Variants in RPS6KC1 observed in about 807,000 individuals in gnomAD.
RPS6KC1 encodes the protein ribosomal protein S6 kinase C1, also known as inactive ribosomal protein S6 kinase delta-1.
RPS6KC1 carries 54 observed loss-of-function variants against 103.8 expected under a neutral mutation model. That is an observed-to-expected ratio of 0.52 (90% CI 0.42 to 0.65). The LOEUF is 0.65. RPS6KC1 is among the 30% of genes least tolerant of loss of function. The pLI, the probability that RPS6KC1 is intolerant of heterozygous loss-of-function variation, is 0.00. For synonymous variants in RPS6KC1, 439 were observed against 438.7 expected, an observed-to-expected ratio of 1.00 and a Z score of -0.01; for missense variants, 1,151 against 1,253.8, an observed-to-expected ratio of 0.92 and a Z score of 1.24.
chr1:213,201,784 G>A (rs2093171644), intron 8 of RPS6KC1, among the ~76,000 whole-genome samples: 2 of 152,212 alleles, frequency 1.3e-5, no homozygotes, highest in East Asian at 3.8e-4. Flanking sequence ...TACAGTCACT[G>A]CCATGTTTGG....
chr1:213,215,394 A>G (rs2093632601), intron 8 of RPS6KC1, among the ~76,000 whole-genome samples: 1 of 152,254 alleles, frequency 6.6e-6, no homozygotes, highest in South Asian at 2.1e-4. Flanking sequence ...GACCAAATGT[A>G]CGTCTGATTG....
At chr1:213,626,523 T>C in the RPS6KC1 span, among the ~76,000 whole-genome samples, 4 of 152,184 alleles carry the variant, frequency 2.6e-5, no homozygotes, top group Non-Finnish European at 4.4e-5. Context: ...CTGAATGGTA[T>C]TGCCTAGGTT....
At chr1:213,736,830 T>C in the RPS6KC1 span, among the ~76,000 whole-genome samples, 2 of 152,210 alleles carry the variant, frequency 1.3e-5, no homozygotes, top group Admixed American at 1.3e-4. Context: ...TGAGGATAGT[T>C]CGCCACCCTA....
the RPS6KC1 span, among the ~76,000 whole-genome samples, chr1:213,398,041 T>C: frequency 6.6e-6 from 1 of 152,050 alleles, no homozygotes; most frequent in Non-Finnish European, 1.5e-5. Flanking sequence ...CTTTTTTTCT[T>C]TCTTTTTTGA....
the RPS6KC1 span, among the ~76,000 whole-genome samples, chr1:213,772,260 A>G: frequency 6.6e-6 from 1 of 152,134 alleles, no homozygotes; most frequent in African/African-American, 2.4e-5. Flanking sequence ...ATAGTGTCCA[A>G]CATTATCAAA....
the RPS6KC1 span, among the ~76,000 whole-genome samples, chr1:213,791,885 C>T: frequency 6.6e-6 from 1 of 152,148 alleles, no homozygotes; most frequent in East Asian, 1.9e-4. Flanking sequence ...AACTGTCGGC[C>T]AACCCTGACG....
chr1:213,647,322 A>C, the RPS6KC1 span, among the ~76,000 whole-genome samples: 2 of 152,204 alleles, frequency 1.3e-5, no homozygotes, highest in Non-Finnish European at 2.9e-5. Flanking sequence ...GCCAAATACC[A>C]ATAGTGGCTC....
the RPS6KC1 span, among the ~76,000 whole-genome samples, chr1:213,319,956 C>T: frequency 2.6e-5 from 4 of 152,322 alleles, no homozygotes; most frequent in Admixed American, 6.5e-5. Flanking sequence ...TTATATTCCA[C>T]ATAGAGTCGA....
chr1:213,492,619 T>C, the RPS6KC1 span: 2 of 152,252 alleles, frequency 1.3e-5, no homozygotes, highest in Non-Finnish European at 2.9e-5. Flanking sequence ...AGCAGCTGAA[T>C]AGCACTTGTG....
At chr1:213,426,326 T>C in the RPS6KC1 span, among the ~76,000 whole-genome samples, 2 of 152,116 alleles carry the variant, frequency 1.3e-5, no homozygotes, top group Non-Finnish European at 2.9e-5. Context: ...AAGGCCTTCT[T>C]TTCTCCTCCT....
the RPS6KC1 span, among the ~76,000 whole-genome samples, chr1:213,557,468 A>T: frequency 6.6e-6 from 1 of 152,138 alleles, no homozygotes; most frequent in Non-Finnish European, 1.5e-5. Context: ...CATGCTGGAG[A>T]GGGAAGAAGA....
At chr1:213,495,414 C>T in the RPS6KC1 span, among the ~76,000 whole-genome samples, 8 of 152,030 alleles carry the variant, frequency 5.3e-5, no homozygotes, top group African/African-American at 1.4e-4. Flanking sequence ...CTCTGCCTCC[C>T]GGGTTCAAGC....
At chr1:213,514,582 G>A in the RPS6KC1 span, among the ~76,000 whole-genome samples, 2 of 151,994 alleles carry the variant, frequency 1.3e-5, no homozygotes, top group Non-Finnish European at 2.9e-5. Flanking sequence ...TGGCTGCATA[G>A]TATTCCATGG....
the RPS6KC1 span, among the ~76,000 whole-genome samples, chr1:213,447,545 A>G: frequency 6.6e-6 from 1 of 152,240 alleles, no homozygotes; most frequent in Non-Finnish European, 1.5e-5. Flanking sequence ...TACTCATGGC[A>G]TATCACCATT....
At chr1:213,443,448 C>G in the RPS6KC1 span, among the ~76,000 whole-genome samples, 1 of 152,180 alleles carries the variant, frequency 6.6e-6, no homozygotes, top group Non-Finnish European at 1.5e-5. Context: ...ATCTATTGGA[C>G]AAACTCCTTG....
intron 8 of RPS6KC1, among the ~76,000 whole-genome samples, chr1:213,181,215 G>A (rs1191350017): frequency 6.6e-6 from 1 of 152,140 alleles, no homozygotes; most frequent in Non-Finnish European, 1.5e-5. Flanking sequence ...TGTGTGTATG[G>A]TATTCACAAG....
At chr1:213,742,053 TAG>T in the RPS6KC1 span, among the ~76,000 whole-genome samples, 2 of 152,194 alleles carry the variant, frequency 1.3e-5, no homozygotes, top group Admixed American at 6.5e-5. Context: ...CATAAGAGCC[TAG>T]AGGAATGGCC....
At chr1:213,668,061 A>G in the RPS6KC1 span, among the ~76,000 whole-genome samples, 1 of 152,180 alleles carries the variant, frequency 6.6e-6, no homozygotes. Context: ...ATTGGAATCT[A>G]CTTCTTCCAA....
the RPS6KC1 span, among the ~76,000 whole-genome samples, chr1:213,539,531 C>T: frequency 6.6e-6 from 1 of 152,204 alleles, no homozygotes; most frequent in Non-Finnish European, 1.5e-5. Flanking sequence ...CCTGTGGTGT[C>T]CTCACAGAGT....
Sources: allele counts gnomAD v4.1 joint callset (sites outside exome capture counted in the v4.1 genomes callset), GRCh38; gene constraint gnomAD v4.1.1; transcripts MANE v1.5; gene names NCBI Gene and HGNC (gene_info 2026-07-23, HGNC 2026-07-21).